The following NRXN3 variants were observed in gnomAD, a reference collection of about 807,000 sequenced individuals.
NRXN3 encodes neurexin 3.
In NRXN3, 32 loss-of-function variants were observed where a neutral mutation model predicts 137.6. The ratio of observed to expected loss-of-function variants is 0.23; its 90% confidence interval spans 0.18 to 0.31. NRXN3 has a LOEUF of 0.31. NRXN3 is among the 10% of genes least tolerant of loss of function. The pLI, the probability that NRXN3 is intolerant of heterozygous loss-of-function variation, is 1.00. For missense variants in NRXN3, 1,574 were observed against 2,062.5 expected (o/e 0.76, Z 4.59); for synonymous variants, 798 against 784.5 (o/e 1.02, Z -0.29).
At chr14:78,565,963 T>A (rs1001312042) in intron 4 of NRXN3, among the ~76,000 whole-genome samples, 1 of 152,242 alleles carries the variant, frequency 6.6e-6, no homozygotes, top group East Asian at 1.9e-4. Context: ...GGTCATTCTT[T>A]GAACACTTCA....
At chr14:78,501,799 G>C (rs1175016607) in intron 4 of NRXN3, among the ~76,000 whole-genome samples, 2 of 152,060 alleles carry the variant, frequency 1.3e-5, no homozygotes, top group Non-Finnish European at 2.9e-5. Context: ...TTGGGGGCAG[G>C]GGGTGGAAGC....
In NRXN3 at chr14:78,663,986, A is replaced by G. The variant is rs183994427; in HGVS notation, c.1221+12660A>G. ...TCCATTAGTGTTGCGGTGCTTTTGT[A>G]ACCTTGTGTTCTGTTCCTCATGTGG... On this transcript the variant is annotated intron_variant, in intron 6 of 20. Coordinates refer to ENST00000335750, the MANE Select transcript of NRXN3 (RefSeq NM_001330195.2). Among the ~76,000 whole-genome samples the G allele has an allele frequency of 2.6e-5, 4 of 152,360 alleles. No individual in the cohort carries two copies. In the East Asian group the frequency reaches 7.7e-4, roughly 29 times the overall value.
chr14:79,796,519 A>G (rs1188431124), intron 19 of NRXN3, among the ~76,000 whole-genome samples: 1 of 152,072 alleles, frequency 6.6e-6, no homozygotes, highest in Non-Finnish European at 1.5e-5. Flanking sequence ...AAAATCTTAA[A>G]AGTGGGGGGA....
chr14:78,441,900 G>C (rs1049551691), intron 4 of NRXN3, among the ~76,000 whole-genome samples: 4 of 152,010 alleles, frequency 2.6e-5, no homozygotes, highest in African/African-American at 9.7e-5. Flanking sequence ...AGTTCAAGCA[G>C]CCTGGCCAGC....
chr14:78,564,338 ATCT>A (rs1174359577), intron 4 of NRXN3, among the ~76,000 whole-genome samples: 7 of 152,296 alleles, frequency 4.6e-5, no homozygotes, highest in Admixed American at 6.5e-5. Flanking sequence ...AACCTCACAC[ATCT>A]TCTTCACTGG....
chr14:78,728,922 C>A (rs1205865347), intron 8 of NRXN3, among the ~76,000 whole-genome samples: 2 of 152,050 alleles, frequency 1.3e-5, no homozygotes, highest in African/African-American at 4.8e-5. Context: ...CAAACAACAA[C>A]AAAAAGCTGG....
intron 10 of NRXN3, among the ~76,000 whole-genome samples, chr14:78,883,237 CAA>C (rs1350018392): frequency 6.6e-6 from 1 of 152,118 alleles, no homozygotes; most frequent in East Asian, 1.9e-4. Flanking sequence ...TGTGATATAA[CAA>C]AATATATTAA....
chr14:78,845,581 G>A (rs2099024289), intron 10 of NRXN3, among the ~76,000 whole-genome samples: 1 of 151,848 alleles, frequency 6.6e-6, no homozygotes, highest in Non-Finnish European at 1.5e-5. Context: ...GACCTCAAAT[G>A]TCTATTATTT....
chr14:79,391,429 T>G (rs1418009899), intron 15 of NRXN3, among the ~76,000 whole-genome samples: 1 of 152,192 alleles, frequency 6.6e-6, no homozygotes, highest in Non-Finnish European at 1.5e-5. Context: ...TTCTTGTCTT[T>G]AAAATAAAGT....
chr14:79,082,029 T>C (rs2047114088), intron 15 of NRXN3, among the ~76,000 whole-genome samples: 1 of 151,670 alleles, frequency 6.6e-6, no homozygotes, highest in Non-Finnish European at 1.5e-5. Context: ...TAAACATATA[T>C]GTTTCATACA....
At chr14:79,225,567 C>T (rs975988412) in intron 15 of NRXN3, among the ~76,000 whole-genome samples, 4 of 152,106 alleles carry the variant, frequency 2.6e-5, no homozygotes, top group Non-Finnish European at 5.9e-5. Flanking sequence ...TTATCTTAGA[C>T]TTTTGCAGGT....
chr14:78,931,145 C>T (rs1034995859), intron 10 of NRXN3, among the ~76,000 whole-genome samples: 9 of 151,490 alleles, frequency 5.9e-5, no homozygotes, highest in Admixed American at 2.6e-4. Context: ...ATTTTTTTTT[C>T]CTAAATATCC....
intron 16 of NRXN3, among the ~76,000 whole-genome samples, chr14:79,553,688 A>G (rs538042528): frequency 5.3e-5 from 8 of 152,190 alleles, no homozygotes; most frequent in Non-Finnish European, 8.8e-5. Flanking sequence ...ACTTGGGTTT[A>G]GAACATAGCT....
intron 19 of NRXN3, among the ~76,000 whole-genome samples, chr14:79,756,169 A>C (rs543797994): frequency 6.6e-6 from 1 of 152,188 alleles, no homozygotes; most frequent in Non-Finnish European, 1.5e-5. Flanking sequence ...GAGCCAAGTT[A>C]AATGAACTGT....
At chr14:78,192,655 TGAA>T (rs781364927) in intron 1 of NRXN3, among the ~76,000 whole-genome samples, 3 of 152,014 alleles carry the variant, frequency 2.0e-5, no homozygotes, top group African/African-American at 4.8e-5. Flanking sequence ...GAGATCAGTG[TGAA>T]GAAGGACTCC....
chr14:79,325,096 G>A (rs2090654196), intron 15 of NRXN3, among the ~76,000 whole-genome samples: 1 of 152,160 alleles, frequency 6.6e-6, no homozygotes. Context: ...CCCTCGCCAT[G>A]CTTTGTCTTT....
chr14:79,564,169 T>TAA (rs58359034), intron 16 of NRXN3, among the ~76,000 whole-genome samples: 1 of 143,862 alleles, frequency 7.0e-6, no homozygotes, highest in African/African-American at 2.5e-5. Context: ...TCAAAAAGAT[T>TAA]AAAAAAAAAA....
chr14:78,337,948 C>A (rs61572411), intron 4 of NRXN3, among the ~76,000 whole-genome samples: 5,443 of 152,146 alleles, frequency 0.036, 277 homozygotes, highest in African/African-American at 0.12. Context: ...GCTGTCATGG[C>A]ACTGAGTGAC....
intron 4 of NRXN3, among the ~76,000 whole-genome samples, chr14:78,345,756 C>A (rs1013410491): frequency 6.6e-6 from 1 of 152,184 alleles, no homozygotes; most frequent in South Asian, 2.1e-4. Context: ...GAGATTTCCT[C>A]TCTTCTTCCT....
Sources: gnomAD v4.1 joint callset for allele counts (sites outside exome capture counted in the v4.1 genomes callset) on GRCh38, gnomAD v4.1.1 for gene constraint, MANE v1.5 for transcripts, NCBI Gene and HGNC (gene_info 2026-07-23, HGNC 2026-07-21) for gene names.